HTRA3: variants seen among roughly 807,000 people sequenced by gnomAD.
HTRA3 encodes HtrA serine peptidase 3.
Under a neutral mutation model 43.2 loss-of-function variants are expected in HTRA3, and 41 were observed. The ratio of observed to expected loss-of-function variants is 0.95; its 90% CI spans 0.74 to 1.23. The LOEUF (loss-of-function observed/expected upper bound fraction) is 1.23, where lower values mean the gene tolerates loss of function less well. Among genes scored for constraint, HTRA3 ranks in the 50% most tolerant of loss-of-function variants. The pLI, the probability that HTRA3 is intolerant of heterozygous loss-of-function variation, is 0.00. For synonymous variants in HTRA3, 295 were observed against 287.9 expected, an observed-to-expected ratio of 1.02 and a Z score of -0.25; for missense variants, 628 against 647.1, an observed-to-expected ratio of 0.97 and a Z score of 0.32.
chr4:8,296,329 TC>T lies in HTRA3; in HGVS notation c.1051+2132del. On this transcript the variant is annotated intron_variant, in intron 6 of 8. Transcript: ENST00000307358. This position sits in a 1 kb window ranked among gnomAD's most constrained non-coding sequence, Gnocchi z 5.3. The stretch of plus-strand genomic sequence containing the variant: ...AATATCCCCTGTCCTCAGAGCTGTG[TC>T]CCCTCCCCAAGGACAGTGCAGACTA... 8.1e-6 allele frequency: 8 copies of T among 985,418 alleles called. No homozygotes were observed. The highest frequency in any genetic ancestry group is 9.6e-6 in the Non-Finnish European group (8 of 829,948). 61.0% of individuals were successfully genotyped at this position (985,418 alleles called of 1,614,324 possible). A position where few individuals can be genotyped will look rare whatever the true frequency, so the allele number is the denominator to read the frequency against.
chr4:8,286,420 TG>T lies in HTRA3; in HGVS notation c.486-138del. On this transcript the variant is annotated intron_variant, in intron 2 of 8. Transcript: ENST00000307358. This position sits in a 1 kb window ranked among gnomAD's most constrained non-coding sequence, Gnocchi z 4.9. ...CCAGGTCACAGGGCCAGGATTCAAA[TG>T]GGAGCTTGAGGGACTCCAGACCTGT... is the stretch of plus-strand genomic sequence containing the variant. 1 of 709,916 alleles carries T rather than the reference TG, an allele frequency of 1.4e-6. No homozygotes were observed. The allele number at this position is 709,916 out of a possible 1,614,324, so 44.0% of individuals were successfully genotyped here.
intron 3 of HTRA3, among the ~76,000 whole-genome samples, chr4:8,289,147 G>A (rs1245061294): frequency 6.6e-6 from 1 of 150,740 alleles, no homozygotes; most frequent in Non-Finnish European, 1.5e-5. Context: ...ATAGGGTCTC[G>A]CTGTATTGCC....
At chr4:8,283,579 C>G (rs1712842362) in intron 2 of HTRA3, among the ~76,000 whole-genome samples, 3 of 152,242 alleles carry the variant, frequency 2.0e-5, no homozygotes, top group South Asian at 2.1e-4. Context: ...GAGTGTTTCT[C>G]CCATCCACCT....
intron 6 of HTRA3, among the ~76,000 whole-genome samples, chr4:8,294,821 TTCATC>T: frequency 1.5e-5 from 1 of 67,318 alleles, no homozygotes; most frequent in Middle Eastern, 9.6e-3. Flanking sequence ...CACCCAGCCA[TTCATC>T]CATTCATCCA....
chr4:8,274,134 GC>G (rs1451464240), intron 1 of HTRA3, among the ~76,000 whole-genome samples: 5 of 152,148 alleles, frequency 3.3e-5, no homozygotes, highest in African/African-American at 9.7e-5. Context: ...CACCTGGCCC[GC>G]ATCACCCTCG....
chr4:8,284,544 C>A (rs1416495396), intron 2 of HTRA3, among the ~76,000 whole-genome samples: 2 of 152,230 alleles, frequency 1.3e-5, no homozygotes, highest in African/African-American at 4.8e-5. Context: ...GGCATGGAGG[C>A]CAGTGGGCAG....
intron 1 of HTRA3, among the ~76,000 whole-genome samples, chr4:8,278,306 C>G (rs999086534): frequency 6.6e-6 from 1 of 151,830 alleles, no homozygotes; most frequent in Non-Finnish European, 1.5e-5. Flanking sequence ...CACCGGACAC[C>G]TAGCCTCGGG....
Position 8,306,260 on chromosome 4 carries a change from C to T in HTRA3, c.*124C>T, listed in dbSNP as rs951657444. 44 of 1,036,010 alleles carry T rather than the reference C, an allele frequency of 4.2e-5. No homozygotes were observed. The highest frequency in any genetic ancestry group is 5.2e-5 in the Non-Finnish European group (39 of 743,554). The allele number at this position is 1,036,010 out of a possible 1,614,324, so 64.2% of individuals were successfully genotyped here. ...GGGCGGCAGCCTCCTCCTGGCTGTCCGGGGCAGAGCGGAGGCTGGGCTTGG... is the reference window on the plus strand; with the variant it reads ...GGGCGGCAGCCTCCTCCTGGCTGTCTGGGGCAGAGCGGAGGCTGGGCTTGG... On this transcript the variant is annotated 3_prime_UTR_variant, in exon 9 of 9. Coordinates refer to ENST00000307358, the MANE Select transcript of HTRA3 (RefSeq NM_053044.5). This position sits in a 1 kb window ranked among gnomAD's most constrained non-coding sequence, Gnocchi z 8.9.
At position 8,286,368 on chromosome 4, in the gene HTRA3, G is replaced by A. The variant is rs1246220336; in HGVS notation, c.486-193G>A. ...ATCATCATCACCTCTTTATGGCTGTGAATGGGTGCAGGCGCCGGTGACTTG... is the reference window on the plus strand; with the variant it reads ...ATCATCATCACCTCTTTATGGCTGTAAATGGGTGCAGGCGCCGGTGACTTG... On this transcript the variant is annotated intron_variant, in intron 2 of 8. Coordinates refer to ENST00000307358, the MANE Select transcript of HTRA3 (RefSeq NM_053044.5). The surrounding 1 kb of genome is among the most constrained non-coding windows in gnomAD (Gnocchi z 4.9). Among the ~76,000 whole-genome samples, 1 of 152,144 alleles carries A rather than the reference G, an allele frequency of 6.6e-6. No homozygotes were observed. The highest frequency in any genetic ancestry group is 1.9e-4 in the East Asian group (1 of 5,186).
intron 8 of HTRA3, 136 bp from the exon 9 acceptor site, chr4:8,305,835 G>A (rs547835147): frequency 2.3e-6 from 2 of 884,840 alleles, no homozygotes; most frequent in Non-Finnish European, 3.6e-6. Flanking sequence ...TGGGGCTGGG[G>A]CACTGTTCTT....
At chr4:8,294,775 CATCCATCCATCCACCCATCT>C (rs1409357554) in intron 6 of HTRA3, among the ~76,000 whole-genome samples, 1 of 86,908 alleles carries the variant, frequency 1.2e-5, no homozygotes, top group Non-Finnish European at 2.4e-5. Context: ...TCCACCTATC[CATCCATCCATCCACCCATCT>C]ATCCATCCAC....
intron 3 of HTRA3, among the ~76,000 whole-genome samples, chr4:8,291,107 G>A (rs1190356539): frequency 6.6e-6 from 1 of 152,202 alleles, no homozygotes; most frequent in Non-Finnish European, 1.5e-5. Context: ...TGCACATGAT[G>A]AGCACCCATG....
At chr4:8,304,940 C>G (rs1367294941) in intron 8 of HTRA3, among the ~76,000 whole-genome samples, 2 of 152,090 alleles carry the variant, frequency 1.3e-5, no homozygotes, top group East Asian at 3.9e-4. Flanking sequence ...ATTTCTACCC[C>G]CAGGAGACTT....
At chr4:8,272,569 T>C (rs1712328072) in intron 1 of HTRA3, among the ~76,000 whole-genome samples, 1 of 152,238 alleles carries the variant, frequency 6.6e-6, no homozygotes, top group African/African-American at 2.4e-5. Context: ...GCCCCTTGCC[T>C]GATGGGCAAC....
rs1368516172 is a variant in HTRA3, at chr4:8,306,241, C to T, written c.*105C>T. The T allele has an allele frequency of 4.9e-6, 6 of 1,235,560 alleles. No individual in the cohort carries two copies. In the East Asian group the frequency reaches 1.3e-4, roughly 27 times the overall value. 76.5% of individuals were successfully genotyped at this position (1,235,560 alleles called of 1,614,324 possible). A position where few individuals can be genotyped will look rare whatever the true frequency, so the allele number is the denominator to read the frequency against. On this transcript the variant is annotated 3_prime_UTR_variant, in exon 9 of 9. Coordinates refer to ENST00000307358, the MANE Select transcript of HTRA3 (RefSeq NM_053044.5). The surrounding 1 kb of genome is among the most constrained non-coding windows in gnomAD (Gnocchi z 8.9). ...CCACCGTCGGTCCTCAGCAGGGCGGCAGCCTCCTCCTGGCTGTCCGGGGCA... is the reference window on the plus strand; with the variant it reads ...CCACCGTCGGTCCTCAGCAGGGCGGTAGCCTCCTCCTGGCTGTCCGGGGCA...
intron 3 of HTRA3, 81 bp from the exon 4 acceptor site, chr4:8,291,289 C>G: frequency 8.0e-7 from 1 of 1,256,276 alleles, no homozygotes; most frequent in Non-Finnish European, 1.2e-6. Flanking sequence ...CTGGGACCCC[C>G]CTGCCAGGAT....
intron 1 of HTRA3, among the ~76,000 whole-genome samples, chr4:8,277,963 A>G (rs1712595309): frequency 6.6e-6 from 1 of 152,220 alleles, no homozygotes; most frequent in Admixed American, 6.5e-5. Context: ...AGCTCTGCAC[A>G]TTATGTGCTA....
rs1713461822 is a variant in HTRA3, at chr4:8,296,482, A to G, written c.1051+2281A>G. On this transcript the variant is annotated intron_variant, in intron 6 of 8. Coordinates refer to ENST00000307358, the MANE Select transcript of HTRA3 (RefSeq NM_053044.5). The surrounding 1 kb of genome is among the most constrained non-coding windows in gnomAD (Gnocchi z 5.3). Reference sequence around the variant, plus strand: ...AAAATCCAATGATCCAAACCCAGTTAATCTAAAGTTCTTTGAAATGAACCA... The same window carrying G: ...AAAATCCAATGATCCAAACCCAGTTGATCTAAAGTTCTTTGAAATGAACCA... The G allele has an allele frequency of 1.0e-6, 1 of 984,826 alleles. No homozygotes were observed. Among genetic ancestry groups the G allele is most frequent in the South Asian group, 4.7e-5 (1 of 21,280 alleles). The allele number at this position is 984,826 out of a possible 1,614,324, so 61.0% of individuals were successfully genotyped here.
At chr4:8,301,254 T>G (rs116624226) in intron 6 of HTRA3, among the ~76,000 whole-genome samples, 2,378 of 78,084 alleles carry the variant, frequency 0.03, 56 homozygotes, top group African/African-American at 0.12. Flanking sequence ...CACACTCAGC[T>G]TTATTGATTC....
Sources: gnomAD v4.1 joint callset for allele counts (sites outside exome capture counted in the v4.1 genomes callset) on GRCh38, gnomAD v4.1.1 for gene constraint, Gnocchi (gnomAD v3.1) non-coding constraint, MANE v1.5 for transcripts, NCBI Gene and HGNC (gene_info 2026-07-23, HGNC 2026-07-21) for gene names.